SLC13A1: variants seen among roughly 807,000 people sequenced by gnomAD.
SLC13A1 encodes solute carrier family 13 member 1.
Under a neutral mutation model 70.0 loss-of-function variants are expected in SLC13A1, and 65 were observed. That is an observed-to-expected ratio of 0.93 (90% CI 0.76 to 1.14). The LOEUF is 1.14. Ranked by LOEUF, SLC13A1 falls within the 50% of genes most tolerant of loss-of-function variation. The probability of loss-of-function intolerance (pLI) is 0.00; values close to 1 mark genes in which losing one functional copy is unlikely to be tolerated. For synonymous variants in SLC13A1, 275 were observed against 250.5 expected, an observed-to-expected ratio of 1.10 and a Z score of -0.92; for missense variants, 726 against 717.8, an observed-to-expected ratio of 1.01 and a Z score of -0.13.
intron 6 of SLC13A1, among the ~76,000 whole-genome samples, chr7:123,160,840 G>GA (rs1585352923): frequency 6.6e-6 from 1 of 151,720 alleles, no homozygotes; most frequent in East Asian, 1.9e-4. Context: ...TCTTTTGAGT[G>GA]AAAAAAATCT....
At chr7:123,124,962 G>C (rs1236934502) in intron 11 of SLC13A1, among the ~76,000 whole-genome samples, 1 of 151,632 alleles carries the variant, frequency 6.6e-6, no homozygotes, top group Non-Finnish European at 1.5e-5. Context: ...TTAATTTTTT[G>C]ATAGAGCTGG....
At chr7:123,128,695 T>G (rs1793649695) in intron 10 of SLC13A1, 150 bp downstream of exon 10, 1 of 614,436 alleles carries the variant, frequency 1.6e-6, no homozygotes, top group Non-Finnish European at 2.9e-6. Flanking sequence ...CCTTATAATT[T>G]TTTTCCTGAA....
At chr7:123,147,613 GCCCTCA>G (rs892781125) in intron 6 of SLC13A1, among the ~76,000 whole-genome samples, 18 of 152,008 alleles carry the variant, frequency 1.2e-4, no homozygotes, top group Non-Finnish European at 5.9e-5. Context: ...CCAGGAGAGA[GCCCTCA>G]CCAGACACTG....
At chr7:123,136,276 A>C (rs1040820669) in intron 7 of SLC13A1, among the ~76,000 whole-genome samples, 2 of 152,200 alleles carry the variant, frequency 1.3e-5, no homozygotes, top group Non-Finnish European at 1.5e-5. Context: ...TTTTAGAAAA[A>C]TGAAAGCCTG....
At chr7:123,186,028 A>C (rs1234603841) in intron 1 of SLC13A1, among the ~76,000 whole-genome samples, 1 of 152,000 alleles carries the variant, frequency 6.6e-6, no homozygotes, top group Non-Finnish European at 1.5e-5. Flanking sequence ...TATGTGAAAG[A>C]ATGCAGGAAA....
At chr7:123,182,383 C>G (rs1193981142) in intron 1 of SLC13A1, among the ~76,000 whole-genome samples, 1 of 152,036 alleles carries the variant, frequency 6.6e-6, no homozygotes, top group Non-Finnish European at 1.5e-5. Context: ...TAAAATGGAC[C>G]ACTTTTAATC....
intron 6 of SLC13A1, among the ~76,000 whole-genome samples, chr7:123,151,791 C>T (rs1213745379): frequency 6.6e-6 from 1 of 152,004 alleles, no homozygotes; most frequent in Non-Finnish European, 1.5e-5. Flanking sequence ...TATTGCTTGT[C>T]CTCCTCAAAA....
intron 6 of SLC13A1, among the ~76,000 whole-genome samples, chr7:123,152,778 T>C (rs1794598083): frequency 6.6e-6 from 1 of 152,120 alleles, no homozygotes; most frequent in Admixed American, 6.6e-5. Flanking sequence ...ATTTTATACA[T>C]AGAAATCATT....
At chr7:123,123,506 G>T (rs1793458279) in intron 11 of SLC13A1, among the ~76,000 whole-genome samples, 1 of 151,976 alleles carries the variant, frequency 6.6e-6, no homozygotes, top group Non-Finnish European at 1.5e-5. Flanking sequence ...ACTTATAATG[G>T]TACTCATTCA....
intron 6 of SLC13A1, 28 bp downstream of exon 6, chr7:123,168,342 ATAAT>A: frequency 7.2e-7 from 1 of 1,389,542 alleles, no homozygotes. Context: ...AATTTTGTAT[ATAAT>A]TATTTAGAAA....
chr7:123,171,076 T>C (rs1413657256), intron 3 of SLC13A1, among the ~76,000 whole-genome samples: 1 of 152,100 alleles, frequency 6.6e-6, no homozygotes, highest in Non-Finnish European at 1.5e-5. Context: ...CAAAGAAAGA[T>C]GAGAAGGGAA....
rs1330568926 is a variant in SLC13A1 at position 123,171,796 on chromosome 7, C to T, written c.337G>A (p.Val113Met). 6.2e-7 allele frequency: 1 copy of T among 1,613,936 alleles called. No individual in the cohort carries two copies. The highest frequency in any genetic ancestry group is 1.1e-5 in the South Asian group (1 of 91,060). The change falls in exon 3 of 15, where the codon GTG (valine) becomes ATG (methionine). Residue 113 changes from valine to methionine, a missense_variant. Coordinates refer to ENST00000194130, the MANE Select transcript of SLC13A1 (RefSeq NM_022444.4). ...NLHKRIALKM[V>M]MMVGVNPAWL... ...GCAGGATTTACACCAACCATCATCA[C>T]CATTTTCAGAGCAATTCTCTTGTGC...
intron 7 of SLC13A1, among the ~76,000 whole-genome samples, chr7:123,142,919 C>T (rs532230135): frequency 4.6e-5 from 7 of 151,984 alleles, no homozygotes; most frequent in South Asian, 4.2e-4. Flanking sequence ...ACCCGGCTGA[C>T]GAAGAGCTCT....
At position 123,127,838 on chromosome 7, in the gene SLC13A1, A is replaced by ATTT. The variant is rs201644707; in HGVS notation, c.1133+1004_1133+1006dup. Among the ~76,000 whole-genome samples, 369 of 106,772 alleles carry ATTT rather than the reference A, an allele frequency of 3.5e-3. 10 individuals are homozygous for ATTT. Among genetic ancestry groups the ATTT allele is most frequent in the African/African-American group, 0.014 (352 of 25,180 alleles). 70.0% of individuals were successfully genotyped at this position (106,772 alleles called of 152,430 possible). Reference sequence around the variant, plus strand: ...ATTTTGGTTTCTACCCCAAAATACAATTTTTTTTTTTTTTTTTTTTTTTTT... The same window carrying ATTT: ...ATTTTGGTTTCTACCCCAAAATACAATTTTTTTTTTTTTTTTTTTTTTTTTTTT... On this transcript the variant is annotated intron_variant, in intron 10 of 14. Coordinates refer to ENST00000194130, the MANE Select transcript of SLC13A1 (RefSeq NM_022444.4).
At chr7:123,197,106 C>T (rs1399515887) in intron 1 of SLC13A1, among the ~76,000 whole-genome samples, 1 of 152,094 alleles carries the variant, frequency 6.6e-6, no homozygotes, top group East Asian at 1.9e-4. Context: ...ATTCTCCGTC[C>T]CTGTTAATAG....
chr7:123,190,133 T>A (rs1489475404), intron 1 of SLC13A1, among the ~76,000 whole-genome samples: 1 of 152,208 alleles, frequency 6.6e-6, no homozygotes, highest in African/African-American at 2.4e-5. Flanking sequence ...ACTGAATATA[T>A]CTTCAAGGAT....
At chr7:123,167,819 T>C (rs1006651375) in intron 6 of SLC13A1, among the ~76,000 whole-genome samples, 1 of 152,052 alleles carries the variant, frequency 6.6e-6, no homozygotes, top group Non-Finnish European at 1.5e-5. Flanking sequence ...TGTAATTACA[T>C]GAATAGGAGT....
chr7:123,158,186 G>A (rs1399084297), intron 6 of SLC13A1, among the ~76,000 whole-genome samples: 1 of 151,818 alleles, frequency 6.6e-6, no homozygotes, highest in Non-Finnish European at 1.5e-5. Context: ...CAAAGAAAGA[G>A]ACCCACAAGG....
At chr7:123,178,671 C>T (rs76062325) in intron 2 of SLC13A1, among the ~76,000 whole-genome samples, 8,670 of 152,122 alleles carry the variant, frequency 0.057, 344 homozygotes, top group Non-Finnish European at 0.083. Flanking sequence ...TAGCTTTGGT[C>T]AGCTAACTTA....
Sources: gnomAD v4.1 joint callset for allele counts (sites outside exome capture counted in the v4.1 genomes callset) on GRCh38, gnomAD v4.1.1 for gene constraint, MANE v1.5 for transcripts, NCBI Gene and HGNC (gene_info 2026-07-23, HGNC 2026-07-21) for gene names.